PARVB: variants seen among roughly 807,000 people sequenced by gnomAD.
The protein encoded by PARVB is beta-parvin.
PARVB carries 46 observed loss-of-function variants against 47.0 expected under a neutral mutation model. The ratio of observed to expected loss-of-function variants is 0.98; its 90% CI spans 0.77 to 1.25. The LOEUF (loss-of-function observed/expected upper bound fraction) is 1.25, where lower values mean the gene tolerates loss of function less well. Among genes scored for constraint, PARVB ranks in the 50% most tolerant of loss-of-function variants. The pLI is 0.00. For missense variants in PARVB, 473 were observed against 471.6 expected (o/e 1.00, Z -0.03); for synonymous variants, 196 against 196.3 (o/e 1.00, Z 0.01).
At chr22:44,078,167 G>T (rs555810276) in intron 1 of PARVB, among the ~76,000 whole-genome samples, 1 of 152,270 alleles carries the variant, frequency 6.6e-6, no homozygotes, top group African/African-American at 2.4e-5. Flanking sequence ...CTTAGCTCAG[G>T]CAAGCTACTG....
upstream of PARVB, among the ~76,000 whole-genome samples, chr22:44,021,448 C>T (rs1271084528): frequency 1.3e-5 from 2 of 152,158 alleles, no homozygotes; most frequent in Non-Finnish European, 2.9e-5. Context: ...AGAGAAACTA[C>T]ACCTGAAGCC....
intron 8 of PARVB, chr22:44,145,733 G>A (rs960591639): frequency 6.6e-6 from 1 of 152,116 alleles, no homozygotes; most frequent in Non-Finnish European, 1.5e-5. Flanking sequence ...GGCAGCCGGC[G>A]GAGAGGCCTC....
intron 10 of PARVB, among the ~76,000 whole-genome samples, chr22:44,156,229 C>CT (rs2053929281): frequency 6.6e-6 from 1 of 151,532 alleles, no homozygotes; most frequent in African/African-American, 2.4e-5. Flanking sequence ...GCTCTCCCTG[C>CT]TAAAGGTCAG....
At chr22:44,124,978 G>C (rs2053155882) in intron 4 of PARVB, among the ~76,000 whole-genome samples, 1 of 151,988 alleles carries the variant, frequency 6.6e-6, no homozygotes, top group Non-Finnish European at 1.5e-5. Flanking sequence ...GCTGCCTCTG[G>C]ACAGAGTTTG....
intron 9 of PARVB, 156 bp downstream of exon 9, chr22:44,148,078 C>T: frequency 1.5e-6 from 1 of 673,300 alleles, no homozygotes; most frequent in East Asian, 2.8e-5. Flanking sequence ...AACCTAACCA[C>T]AGTGCATAAA....
intron 2 of PARVB, among the ~76,000 whole-genome samples, chr22:44,006,894 A>T (rs2050471124): frequency 6.6e-6 from 1 of 152,226 alleles, no homozygotes; most frequent in African/African-American, 2.4e-5. Context: ...ATTTGTGTGC[A>T]GTACCTCCCC....
chr22:44,074,707 C>T (rs573085027), intron 1 of PARVB, among the ~76,000 whole-genome samples: 1 of 152,328 alleles, frequency 6.6e-6, no homozygotes, highest in African/African-American at 2.4e-5. Context: ...TTCACTGCCC[C>T]TCCCTCAGCT....
At chr22:44,133,376 C>T (rs1220094188) in intron 6 of PARVB, among the ~76,000 whole-genome samples, 1 of 152,166 alleles carries the variant, frequency 6.6e-6, no homozygotes, top group Non-Finnish European at 1.5e-5. Context: ...CAAATTAAAG[C>T]CGCTTTGCAT....
At chr22:44,003,529 C>T (rs555424033) in intron 2 of PARVB, among the ~76,000 whole-genome samples, 1 of 152,250 alleles carries the variant, frequency 6.6e-6, no homozygotes, top group African/African-American at 2.4e-5. Context: ...AGATTAAGCC[C>T]TGTTATAATG....
chr22:44,134,958 G>A (rs1379574474), intron 6 of PARVB, among the ~76,000 whole-genome samples: 2 of 152,342 alleles, frequency 1.3e-5, no homozygotes, highest in Non-Finnish European at 2.9e-5. Flanking sequence ...TTGACTAGGT[G>A]AACACAATGT....
At chr22:44,110,151 A>T (rs1446387987) in intron 3 of PARVB, 1 of 145,664 alleles carries the variant, frequency 6.9e-6, no homozygotes, top group Admixed American at 6.9e-5. Context: ...AAGAAAGTTC[A>T]TAGGCGGTTC....
chr22:44,107,271 C>A (rs2052588766), intron 3 of PARVB: 1 of 152,242 alleles, frequency 6.6e-6, no homozygotes, highest in Non-Finnish European at 1.5e-5. Flanking sequence ...TATGGGTGAA[C>A]ACTGAATGCT....
intron 6 of PARVB, 64 bp from the exon 7 acceptor site, chr22:44,136,396 T>C: frequency 1.4e-6 from 2 of 1,430,198 alleles, no homozygotes; most frequent in Admixed American, 1.7e-5. Flanking sequence ...TCGTCTGCCC[T>C]GTCAGTGCAT....
intron 10 of PARVB, 72 bp from the exon 11 acceptor site, chr22:44,157,910 C>A: frequency 9.6e-7 from 1 of 1,038,184 alleles, no homozygotes; most frequent in East Asian, 2.4e-5. Flanking sequence ...AAAATATGCC[C>A]CCCTTAAGTT....
At chr22:44,015,617 G>C (rs1021890221) in intron 2 of PARVB, among the ~76,000 whole-genome samples, 14 of 152,188 alleles carry the variant, frequency 9.2e-5, no homozygotes, top group African/African-American at 3.4e-4. Context: ...TCAGGAGTTT[G>C]AGACCAGCCT....
intron 1 of PARVB, among the ~76,000 whole-genome samples, chr22:44,028,352 A>G (rs1299073647): frequency 1.3e-5 from 2 of 150,652 alleles, no homozygotes; most frequent in African/African-American, 4.9e-5. Context: ...TTTTTACTGT[A>G]TCTGTGTTTT....
At chr22:44,050,630 G>T (rs375979366) in intron 1 of PARVB, among the ~76,000 whole-genome samples, 1 of 152,114 alleles carries the variant, frequency 6.6e-6, no homozygotes, top group Admixed American at 6.6e-5. Context: ...GAGCCACTGC[G>T]CCTGGCCAGT....
At chr22:44,081,507 G>A in intron 1 of PARVB, 2 of 597,238 alleles carry the variant, frequency 3.3e-6, no homozygotes, top group Non-Finnish European at 4.2e-6. Flanking sequence ...GACTTCCCTG[G>A]ATACATTGGG....
At chr22:44,002,121 G>A (rs1161421926) in intron 2 of PARVB, among the ~76,000 whole-genome samples, 1 of 152,242 alleles carries the variant, frequency 6.6e-6, no homozygotes, top group Non-Finnish European at 1.5e-5. Context: ...TGCATCGTGA[G>A]TGCAAATGTC....
Sources: allele counts gnomAD v4.1 joint callset (sites outside exome capture counted in the v4.1 genomes callset), GRCh38; gene constraint gnomAD v4.1.1; transcripts MANE v1.5; gene names NCBI Gene and HGNC (gene_info 2026-07-23, HGNC 2026-07-21).